The following ZNF446 variants were observed in gnomAD, a reference collection of about 807,000 sequenced individuals.
The protein encoded by ZNF446 is zinc finger protein 446, also known as zinc finger protein with KRAB and SCAN domains 20.
A neutral mutation model predicts 34.0 loss-of-function variants in ZNF446; 42 were observed. The observed-to-expected ratio is 1.23, with a 90% CI of 0.96 to 1.60. ZNF446 has a LOEUF of 1.60. ZNF446 is among the 40% of genes most tolerant of loss of function. ZNF446 has a pLI of 0.00. For missense variants in ZNF446, 650 were observed against 600.2 expected (o/e 1.08, Z -0.87); for synonymous variants, 315 against 251.0 (o/e 1.25, Z -2.41).
chr19:58,480,449 G>A lies in ZNF446; in HGVS notation c.1076G>A (p.Gly359Asp), dbSNP rs1268806511. Residue 359 changes from glycine to aspartate, a missense_variant, in exon 7 of 7, where the codon GGT becomes GAT. Physicochemically the swap from Gly to Asp is moderately conservative, Grantham distance 94. Coordinates refer to ENST00000594369, the MANE Select transcript of ZNF446 (RefSeq NM_017908.4). This position sits in a 1 kb window ranked among gnomAD's most constrained non-coding sequence, Gnocchi z 7.2. ...IHHRTHTSGPGVQSPGLATGE... is the reference protein window; with the variant it reads ...IHHRTHTSGPDVQSPGLATGE... Reference sequence around the variant, plus strand: ...CACCGGACACACACGAGTGGGCCAGGTGTGCAGTCCCCGGGGCTAGCCACC... The same window carrying A: ...CACCGGACACACACGAGTGGGCCAGATGTGCAGTCCCCGGGGCTAGCCACC... 3.1e-6 allele frequency: 5 copies of A among 1,612,796 alleles called. No individual in the cohort carries two copies. The highest frequency in any genetic ancestry group is 4.2e-6 in the Non-Finnish European group (5 of 1,179,966).
chr19:58,479,845 GA>G, intron 5 of ZNF446, 84 bp from the exon 6 acceptor site: 1 of 1,405,360 alleles, frequency 7.1e-7, no homozygotes, highest in Non-Finnish European at 9.8e-7. Flanking sequence ...CCACCTTCCA[GA>G]GGAACACCCT....
At chr19:58,482,514 C>T (rs368296399), downstream of ZNF446, among the ~76,000 whole-genome samples, 283 of 152,240 alleles carry the variant, frequency 1.9e-3, 2 homozygotes, top group African/African-American at 6.2e-3. Flanking sequence ...AAGGAGCCCT[C>T]GCCAGCTGCT....
chr19:58,485,416 A>G (rs184861230), downstream of ZNF446, among the ~76,000 whole-genome samples: 419 of 152,202 alleles, frequency 2.8e-3, 2 homozygotes, highest in Non-Finnish European at 1.4e-3. Flanking sequence ...AGGCTGAGAC[A>G]AGAGAATCAC....
chr19:58,480,382 T>C lies in ZNF446; in HGVS notation c.1009T>C (p.Cys337Arg). ...CAGGAAGCCCTACACGTGCGAGCAG[T>C]GTGGCCGCGGCTTCGACTGGAAGTC... Reference protein sequence around the residue: ...TPRKPYTCEQCGRGFDWKSVF... With the variant: ...TPRKPYTCEQRGRGFDWKSVF... The change falls in exon 7 of 7, where the codon TGT becomes CGT. Residue 337 changes from cysteine (C) to arginine (R), a missense_variant. Transcript: ENST00000594369. The surrounding 1 kb of genome is among the most constrained non-coding windows in gnomAD (Gnocchi z 7.2). The C allele has an allele frequency of 6.2e-7, 1 of 1,611,002 alleles. No individual in the cohort carries two copies. Among genetic ancestry groups the C allele is most frequent in the Non-Finnish European group, 8.5e-7 (1 of 1,179,274 alleles).
At chr19:58,487,365 C>T in the ZNF446 span, among the ~76,000 whole-genome samples, 1 of 152,190 alleles carries the variant, frequency 6.6e-6, no homozygotes, top group Non-Finnish European at 1.5e-5. Flanking sequence ...CTGTCCATCT[C>T]TGCCTCACGA....
downstream of ZNF446, among the ~76,000 whole-genome samples, chr19:58,485,658 TC>T (rs2053165116): frequency 6.6e-6 from 1 of 151,976 alleles, no homozygotes; most frequent in Admixed American, 6.6e-5. Flanking sequence ...AAAACTGAAC[TC>T]CCCCATACAA....
chr19:58,480,730 G>A lies in ZNF446; in HGVS notation c.*4G>A, dbSNP rs1176467417. ...CCACCGGCCGGAGGTTCCATGAGCAGCCAGACAGCACAGTCCCTCGGGGCC... is the reference window on the plus strand; with the variant it reads ...CCACCGGCCGGAGGTTCCATGAGCAACCAGACAGCACAGTCCCTCGGGGCC... On this transcript the variant is annotated 3_prime_UTR_variant, in exon 7 of 7. Coordinates refer to ENST00000594369, the MANE Select transcript of ZNF446 (RefSeq NM_017908.4). This position sits in a 1 kb window ranked among gnomAD's most constrained non-coding sequence, Gnocchi z 7.2. The A allele has an allele frequency of 5.6e-6, 9 of 1,600,914 alleles. No individual in the cohort carries two copies. The highest frequency in any genetic ancestry group is 2.5e-6 in the Non-Finnish European group (3 of 1,178,212).
chr19:58,479,326 G>C (rs961906891), intron 4 of ZNF446, among the ~76,000 whole-genome samples: 2 of 152,170 alleles, frequency 1.3e-5, no homozygotes, highest in African/African-American at 4.8e-5. Context: ...TGGGACTCAG[G>C]CAGCAAGGAG....
rs752774717 is a variant in ZNF446 at position 58,480,148 on chromosome 19, G to C, written c.803-28G>C. On this transcript the variant is annotated intron_variant, in intron 6 of 6. Transcript: ENST00000594369. This position sits in a 1 kb window ranked among gnomAD's most constrained non-coding sequence, Gnocchi z 7.2. ...TGAGGGAGGGGTTGCTGAGTGCCGG[G>C]ACTCACCTGGTTTGCCCCTGCCCCC... 1 of 1,583,120 alleles carries C rather than the reference G, an allele frequency of 6.3e-7. No homozygotes were observed. The highest frequency in any genetic ancestry group is 1.1e-5 in the South Asian group (1 of 89,376).
At chr19:58,485,345 C>CA (rs72492218), downstream of ZNF446, among the ~76,000 whole-genome samples, 2,826 of 120,608 alleles carry the variant, frequency 0.023, 75 homozygotes, top group African/African-American at 0.072. Context: ...ACTAAAAATA[C>CA]AAAAAAAAAA....
At chr19:58,486,718 G>T in the ZNF446 span, among the ~76,000 whole-genome samples, 72 of 37,010 alleles carry the variant, frequency 1.9e-3, no homozygotes, top group Non-Finnish European at 2.9e-3. Context: ...TTTTTTTTTT[G>T]GGGGGGGGCG....
chr19:58,487,239 G>A, the ZNF446 span, among the ~76,000 whole-genome samples: 203 of 152,248 alleles, frequency 1.3e-3, 2 homozygotes, highest in African/African-American at 4.4e-3. Flanking sequence ...TGGCATAGTT[G>A]CCCTTGTTTT....
chr19:58,486,423 T>C, the ZNF446 span, among the ~76,000 whole-genome samples: 2 of 151,886 alleles, frequency 1.3e-5, no homozygotes, highest in Admixed American at 6.6e-5. Flanking sequence ...TGTTTGTTTT[T>C]TGAGACGAAG....
chr19:58,487,118 A>G, the ZNF446 span, among the ~76,000 whole-genome samples: 2 of 152,206 alleles, frequency 1.3e-5, no homozygotes, highest in Admixed American at 1.3e-4. Flanking sequence ...TAATAACACA[A>G]AAAGTATACA....
chr19:58,477,225 T>G lies in ZNF446; in HGVS notation c.7T>G (p.Ser3Ala). 6.4e-7 allele frequency: 1 copy of G among 1,557,816 alleles called. No homozygotes were observed. Among genetic ancestry groups the G allele is most frequent in the Non-Finnish European group, 8.7e-7 (1 of 1,151,242 alleles). ...ACCACCCCCTTGAGCAAGAATGCCA[T>G]CCCCTCTGGGTCCCCCATGCCTGCC... is the stretch of plus-strand genomic sequence containing the variant. MP[S>A]PLGPPCLPVM... Residue 3 changes from serine (S) to alanine (A), a missense_variant, in exon 2 of 7, where the codon TCC becomes GCC. Ser to Ala is a moderately conservative substitution (Grantham distance 99, BLOSUM62 1). Transcript: ENST00000594369.
chr19:58,484,136 A>T (rs1037236992), downstream of ZNF446, among the ~76,000 whole-genome samples: 2 of 151,956 alleles, frequency 1.3e-5, no homozygotes, highest in African/African-American at 4.8e-5. Context: ...CACCAAGCTA[A>T]TACTAGAGTG....
chr19:58,480,881 A>C lies in ZNF446; in HGVS notation c.*155A>C. On this transcript the variant is annotated 3_prime_UTR_variant, in exon 7 of 7. Transcript: ENST00000594369. This position sits in a 1 kb window ranked among gnomAD's most constrained non-coding sequence, Gnocchi z 7.2. Reference sequence around the variant, plus strand: ...CCTGCCCCTGGTCTGGTCTCCCCCAAAAGACCTGGGTGCAAGGAAAAGGAG... The same window carrying C: ...CCTGCCCCTGGTCTGGTCTCCCCCACAAGACCTGGGTGCAAGGAAAAGGAG... 1 of 873,892 alleles carries C rather than the reference A, an allele frequency of 1.1e-6. No homozygotes were observed. Among genetic ancestry groups the C allele is most frequent in the Non-Finnish European group, 1.7e-6 (1 of 585,596 alleles). 54.1% of individuals were successfully genotyped at this position (873,892 alleles called of 1,614,324 possible).
chr19:58,482,591 G>T (rs1053472459), downstream of ZNF446, among the ~76,000 whole-genome samples: 3 of 152,192 alleles, frequency 2.0e-5, no homozygotes, highest in Non-Finnish European at 4.4e-5. Flanking sequence ...GGTTACCCCA[G>T]GAGGGGCTCC....
Position 58,480,242 on chromosome 19 carries a change from C to T in ZNF446, c.869C>T (p.Ala290Val). 2 of 1,585,856 alleles carry T rather than the reference C, an allele frequency of 1.3e-6. No individual in the cohort carries two copies. The highest frequency in any genetic ancestry group is 1.7e-6 in the Non-Finnish European group (2 of 1,171,090). The change falls in exon 7 of 7, where the codon GCC becomes GTC. Residue 290 changes from alanine to valine, a missense_variant. Physicochemically the swap from Ala to Val is moderately conservative, Grantham distance 64. Transcript: ENST00000594369. The surrounding 1 kb of genome is among the most constrained non-coding windows in gnomAD (Gnocchi z 7.2). Reference sequence around the variant, plus strand: ...CCGCCCCAGGGCCCAGGGCCGGCAGCCTGGGAGGGCTTGTCTGGGGCTGCC... The same window carrying T: ...CCGCCCCAGGGCCCAGGGCCGGCAGTCTGGGAGGGCTTGTCTGGGGCTGCC... The part of the protein sequence containing the change: ...AQPPQGPGPA[A>V]WEGLSGAATP...
Sources: allele counts gnomAD v4.1 joint callset (sites outside exome capture counted in the v4.1 genomes callset), GRCh38; gene constraint gnomAD v4.1.1; non-coding constraint Gnocchi (gnomAD v3.1); transcripts MANE v1.5; gene names NCBI Gene and HGNC (gene_info 2026-07-23, HGNC 2026-07-21).